IRF7: variants seen among roughly 807,000 people sequenced by gnomAD.
IRF7 encodes interferon regulatory factor-7H.
In IRF7, 67 loss-of-function variants were observed where a neutral mutation model predicts 51.3. The observed-to-expected ratio is 1.31, with a 90% CI of 1.07 to 1.60. IRF7 has a LOEUF of 1.60. Among genes scored for constraint, IRF7 ranks in the 40% most tolerant of loss-of-function variants. The pLI, the probability that IRF7 is intolerant of heterozygous loss-of-function variation, is 0.00. For synonymous variants in IRF7, 427 were observed against 301.3 expected (o/e 1.42, Z -4.32); for missense variants, 873 against 701.5 (o/e 1.24, Z -2.76).
chr11:613,189 G>GC lies in IRF7; in HGVS notation c.1237+16dup. ...AGGACCCCTGGAGACAGCCCCCCAG[G>GC]CAAGGGCCTCACTGACCTTGGAAGA... is the stretch of plus-strand genomic sequence containing the variant. On this transcript the variant is annotated intron_variant, in intron 9 of 10. Coordinates refer to ENST00000525445, the MANE Select transcript of IRF7 (RefSeq NM_001572.5). 11 of 1,593,198 alleles carry GC rather than the reference G, an allele frequency of 6.9e-6. No individual in the cohort carries two copies. The highest frequency in any genetic ancestry group is 9.4e-6 in the Non-Finnish European group (11 of 1,168,008).
At position 613,014 on chromosome 11, in the gene IRF7, G is replaced by A; in HGVS notation, c.1341C>T (p.Ser447=). The part of the protein sequence containing the change: ...DLSAGRPKEK[S]LVLVKLEPWL... ...CTGGTCTCACCTTCACCAGGACCAG[G>A]CTCTTCTCCTTGGGCCTCCCAGCTG... The change falls in exon 10 of 11, where the codon AGC becomes AGT. Residue 447 remains serine, a synonymous_variant. Transcript: ENST00000525445. The A allele has an allele frequency of 6.2e-7, 1 of 1,613,096 alleles. No homozygotes were observed. The highest frequency in any genetic ancestry group is 8.5e-7 in the Non-Finnish European group (1 of 1,179,948).
At chr11:614,148 C>G in intron 6 of IRF7, 26 bp downstream of exon 6, 3 of 1,592,964 alleles carry the variant, frequency 1.9e-6, no homozygotes, top group Admixed American at 1.7e-5. Context: ...CTCCCGCGCT[C>G]CCCCCCTCCC....
intron 1 of IRF7, 121 bp from the exon 2 acceptor site, chr11:615,768 C>A: frequency 5.1e-6 from 1 of 197,040 alleles, no homozygotes; most frequent in Non-Finnish European, 1.0e-5. Flanking sequence ...TCCGCGGAAC[C>A]CCGCCTCCGC....
chr11:613,540 C>G lies in IRF7; in HGVS notation c.903G>C (p.Leu301=), dbSNP rs2133132234. 2 of 1,576,396 alleles carry G rather than the reference C, an allele frequency of 1.3e-6. No individual in the cohort carries two copies. Among genetic ancestry groups the G allele is most frequent in the Admixed American group, 1.8e-5 (1 of 54,710 alleles). ...AGCTCGGGTGTCCCACCACCTTCTG[C>G]AGCACCGTGCGGCCCTTGTACATGA... ...VTIMYKGRTV[L]QKVVGHPSCT... The change falls in exon 9 of 11, where the codon CTG becomes CTC. Residue 301 remains leucine (L), a synonymous_variant. Transcript: ENST00000525445.
rs757665548 is a variant in IRF7 at position 614,413 on chromosome 11, T to C, written c.454-14A>G. 9.4e-6 allele frequency: 15 copies of C among 1,594,516 alleles called. No homozygotes were observed. Among genetic ancestry groups the C allele is most frequent in the Non-Finnish European group, 8.5e-7 (1 of 1,170,900 alleles). On this transcript the variant is annotated splice_polypyrimidine_tract_variant and intron_variant, in intron 5 of 10. Coordinates refer to ENST00000525445, the MANE Select transcript of IRF7 (RefSeq NM_001572.5). ...TGGGGGCCCACCCTGCAGGGAAAAGTCAGGGTGAACGTAAGCAGCTCCGCG... is the reference window on the plus strand; with the variant it reads ...TGGGGGCCCACCCTGCAGGGAAAAGCCAGGGTGAACGTAAGCAGCTCCGCG...
In IRF7 at chr11:613,783, A is replaced by T; in HGVS notation, c.847+2T>A. 2 of 1,552,244 alleles carry T rather than the reference A, an allele frequency of 1.3e-6. No individual in the cohort carries two copies. Among genetic ancestry groups the T allele is most frequent in the Non-Finnish European group, 1.7e-6 (2 of 1,159,098 alleles). On this transcript the variant is annotated splice_donor_variant, in intron 8 of 10. Transcript: ENST00000525445. LOFTEE classifies it high-confidence loss of function. ...GGCTGCCCCTTCCTGGGATGCACTC[A>T]CCTTGCACCGCGGTGCAGGCGCTTG...
chr11:614,455 G>A (rs1259117239), intron 5 of IRF7, 21 bp downstream of exon 5: 2 of 1,572,248 alleles, frequency 1.3e-6, no homozygotes, highest in Non-Finnish European at 1.7e-6. Context: ...CAGGAGGAGA[G>A]GCAGGCAGAG....
chr11:613,523 T>C lies in IRF7; in HGVS notation c.920A>G (p.His307Arg). The stretch of plus-strand genomic sequence containing the variant: ...GCCGTATAGGAACGTGCAGCTCGGG[T>C]GTCCCACCACCTTCTGCAGCACCGT... ...GRTVLQKVVG[H>R]PSCTFLYGPP... The change falls in exon 9 of 11, where the codon CAC becomes CGC. Residue 307 changes from histidine (H) to arginine (R), a missense_variant. Coordinates refer to ENST00000525445, the MANE Select transcript of IRF7 (RefSeq NM_001572.5). 6.4e-7 allele frequency: 1 copy of C among 1,564,710 alleles called. No homozygotes were observed. The highest frequency in any genetic ancestry group is 8.6e-7 in the Non-Finnish European group (1 of 1,157,620).
At position 614,938 on chromosome 11, in the gene IRF7, T is replaced by TCTCAGC. The variant is rs752242640; in HGVS notation, c.247_252dup (p.Ala83_Glu84dup). 20 of 1,577,762 alleles carry TCTCAGC rather than the reference T, an allele frequency of 1.3e-5. No homozygotes were observed. The African/African-American group carries it at 2.3e-4, about 18-fold the overall frequency. ...GTTTTCCAGCCGGCGCGCTCCGCAG[T>TCTCAGC]CTCAGCCTCGGGGGGCGGGCCACCT... On this transcript the variant is annotated inframe_insertion, in exon 4 of 11. Transcript: ENST00000525445.
Position 615,090 on chromosome 11 carries a change from T to C in IRF7, c.183+7A>G. The C allele has an allele frequency of 3.8e-6, 6 of 1,572,216 alleles. No homozygotes were observed. Among genetic ancestry groups the C allele is most frequent in the Non-Finnish European group, 5.1e-6 (6 of 1,165,234 alleles). On this transcript the variant is annotated splice_region_variant and intron_variant, in intron 3 of 10. Coordinates refer to ENST00000525445, the MANE Select transcript of IRF7 (RefSeq NM_001572.5). ...CACCCGGGGCGGGGCGGGGCTGGGG[T>C]CCCCACCTTGAAGATGCGCGCGTCG...
At position 615,590 on chromosome 11, in the gene IRF7, AT is replaced by A. The variant is rs1269079904; in HGVS notation, c.-227del. ...CTGCAGGTGTGGCCGGCGCGCACAC[AT>A]GAAGTCACAGGTGTTGAACCAGTGT... On this transcript the variant is annotated 5_prime_UTR_variant, in exon 2 of 11. The change abolishes an upstream ATG in the 5' untranslated region. Transcript: ENST00000525445. The A allele has an allele frequency of 6.1e-6, 3 of 495,710 alleles. No individual in the cohort carries two copies. The highest frequency in any genetic ancestry group is 4.0e-5 in the African/African-American group (2 of 50,180). 30.7% of individuals were successfully genotyped at this position (495,710 alleles called of 1,614,324 possible).
rs1348254029 is a variant in IRF7, at chr11:614,262, C to CT, written c.590_591insA (p.Thr198AspfsTer204). Reference sequence around the variant, plus strand: ...CTGGATCTGCCCCCCATGACGCTGTCAGCAGATGGTCTGCCAGGCAGCTCT... The same window carrying CT: ...CTGGATCTGCCCCCCATGACGCTGTCTAGCAGATGGTCTGCCAGGCAGCTCT... On this transcript the variant is annotated frameshift_variant, in exon 6 of 11. Coordinates refer to ENST00000525445, the MANE Select transcript of IRF7 (RefSeq NM_001572.5). LOFTEE classifies it high-confidence loss of function. 2 of 1,612,602 alleles carry CT rather than the reference C, an allele frequency of 1.2e-6. No homozygotes were observed. Among genetic ancestry groups the CT allele is most frequent in the Non-Finnish European group, 1.7e-6 (2 of 1,179,812 alleles).
rs1856713998 is a variant in IRF7, at chr11:614,670, A to G, written c.394+127T>C. 4 of 1,391,674 alleles carry G rather than the reference A, an allele frequency of 2.9e-6. No homozygotes were observed. In the South Asian group the frequency reaches 5.4e-5, roughly 19 times the overall value. The allele number at this position is 1,391,674 out of a possible 1,614,324, so 86.2% of individuals were successfully genotyped here. On this transcript the variant is annotated intron_variant, in intron 4 of 10. Transcript: ENST00000525445. ...TGAGGAGGTGGGGATGTGGCTCTCC[A>G]CCTGTCCTGGGCCTGCTGGCAGCCT...
At position 613,509 on chromosome 11, in the gene IRF7, A is replaced by G. The variant is rs1316050042; in HGVS notation, c.934T>C (p.Phe312Leu). Reference protein sequence around the residue: ...QKVVGHPSCTFLYGPPDPAVR... With the variant: ...QKVVGHPSCTLLYGPPDPAVR... ...GCTGGGTCTGGGGGGCCGTATAGGA[A>G]CGTGCAGCTCGGGTGTCCCACCACC... The change falls in exon 9 of 11, where the codon TTC becomes CTC. Residue 312 changes from phenylalanine to leucine, a missense_variant. Physicochemically the swap from Phe to Leu is conservative, Grantham distance 22. Coordinates refer to ENST00000525445, the MANE Select transcript of IRF7 (RefSeq NM_001572.5). 2 of 1,556,052 alleles carry G rather than the reference A, an allele frequency of 1.3e-6. No homozygotes were observed. The highest frequency in any genetic ancestry group is 2.2e-5 in the East Asian group (1 of 44,498).
At chr11:614,448 G>T in intron 5 of IRF7, 28 bp downstream of exon 5, 1 of 1,576,128 alleles carries the variant, frequency 6.3e-7, no homozygotes, top group Non-Finnish European at 8.6e-7. Flanking sequence ...GGCCTGGCAG[G>T]AGGAGAGGCA....
In IRF7 at chr11:615,502, G is replaced by A. The variant is rs961621655; in HGVS notation, c.-138C>T. The A allele has an allele frequency of 2.7e-5, 27 of 993,198 alleles. No individual in the cohort carries two copies. Among genetic ancestry groups the A allele is most frequent in the Non-Finnish European group, 3.7e-5 (26 of 707,094 alleles). 61.5% of individuals were successfully genotyped at this position (993,198 alleles called of 1,614,324 possible). A position where few individuals can be genotyped will look rare whatever the true frequency, so the allele number is the denominator to read the frequency against. The stretch of plus-strand genomic sequence containing the variant: ...ACAGGTGTCCACAGGTGTGGACTGA[G>A]GGCTTGTAGCCACCGACGCTGCCTC... On this transcript the variant is annotated 5_prime_UTR_variant, in exon 2 of 11. Coordinates refer to ENST00000525445, the MANE Select transcript of IRF7 (RefSeq NM_001572.5).
intron 10 of IRF7, 51 bp from the exon 11 acceptor site, chr11:612,851 T>C: frequency 6.3e-7 from 1 of 1,589,132 alleles, no homozygotes. Flanking sequence ...TGTCCTCCCC[T>C]CCCCCTCCCC....
chr11:615,342 T>C lies in IRF7; in HGVS notation c.20+3A>G. On this transcript the variant is annotated splice_donor_region_variant and intron_variant, in intron 2 of 10. Transcript: ENST00000525445. ...ATCTGGAGAGGGTGGGCCGGGCTCTTACCTCTCAGGAGCCAAGGCCATTGC... is the reference window on the plus strand; with the variant it reads ...ATCTGGAGAGGGTGGGCCGGGCTCTCACCTCTCAGGAGCCAAGGCCATTGC... 1.3e-6 allele frequency: 2 copies of C among 1,537,148 alleles called. No individual in the cohort carries two copies. Among genetic ancestry groups the C allele is most frequent in the South Asian group, 2.4e-5 (2 of 83,870 alleles).
intron 4 of IRF7, 104 bp from the exon 5 acceptor site, chr11:614,638 T>G (rs1163964482): frequency 5.6e-6 from 8 of 1,432,850 alleles, no homozygotes; most frequent in Non-Finnish European, 7.6e-6. Context: ...ACCCTTAGGC[T>G]GTGGCCTGAG....
Sources: allele counts gnomAD v4.1 joint callset, GRCh38; gene constraint gnomAD v4.1.1; transcripts MANE v1.5; gene names NCBI Gene and HGNC (gene_info 2026-07-23, HGNC 2026-07-21).